Variants in ABCA1 observed in about 807,000 individuals in gnomAD.
ABCA1 encodes the protein ATP binding cassette subfamily A member 1, also known as phospholipid-transporting ATPase ABCA1.
In ABCA1, 133 loss-of-function variants were observed where a neutral mutation model predicts 262.5. The ratio of observed to expected loss-of-function variants is 0.51; its 90% CI spans 0.44 to 0.59. ABCA1 has a LOEUF of 0.59. ABCA1 is among the 20% of genes least tolerant of loss of function. The pLI is 0.00. For synonymous variants in ABCA1, 1,022 were observed against 1,043.5 expected (o/e 0.98, Z 0.40); for missense variants, 2,452 against 2,777.5 (o/e 0.88, Z 2.63).
chr9:104,840,929 A>G (rs530004004), intron 8 of ABCA1, among the ~76,000 whole-genome samples: 1 of 152,326 alleles, frequency 6.6e-6, no homozygotes, highest in East Asian at 1.9e-4. Flanking sequence ...TATAGATAAA[A>G]GAATGCTTTC....
chr9:104,864,500 C>T (rs1022574135), intron 5 of ABCA1, among the ~76,000 whole-genome samples: 4 of 152,132 alleles, frequency 2.6e-5, no homozygotes, highest in African/African-American at 9.7e-5. Flanking sequence ...CCCTGGGAGT[C>T]AGAAACCTGG....
intron 33 of ABCA1, among the ~76,000 whole-genome samples, chr9:104,802,383 C>T (rs1426475988): frequency 2.0e-5 from 3 of 152,234 alleles, no homozygotes; most frequent in South Asian, 4.1e-4. Context: ...CCTGATTACA[C>T]ACACAGTTAG....
At chr9:104,786,217 A>G in intron 48 of ABCA1, 81 bp downstream of exon 48, 1 of 1,175,420 alleles carries the variant, frequency 8.5e-7, no homozygotes, top group Non-Finnish European at 1.3e-6. Context: ...TTTATGTTAG[A>G]GGCACCATTT....
At position 104,793,152 on chromosome 9, in the gene ABCA1, G is replaced by T; in HGVS notation, c.5636+19C>A. 6.2e-7 allele frequency: 1 copy of T among 1,613,896 alleles called. No individual in the cohort carries two copies. Among genetic ancestry groups the T allele is most frequent in the South Asian group, 1.1e-5 (1 of 91,064 alleles). On this transcript the variant is annotated intron_variant, in intron 41 of 49. Transcript: ENST00000374736. ...TGACCCTCAACCAGGTGCTCCACGG[G>T]TTCTAAGAAAAAGCTCACCTGGGCC...
In ABCA1 at chr9:104,784,096, T is replaced by A. The variant is rs1256750739; in HGVS notation, c.*219A>T. 1 of 573,990 alleles carries A rather than the reference T, an allele frequency of 1.7e-6. No individual in the cohort carries two copies. Among genetic ancestry groups the A allele is most frequent in the Non-Finnish European group, 3.1e-6 (1 of 327,344 alleles). The allele number at this position is 573,990 out of a possible 1,614,324, so 35.6% of individuals were successfully genotyped here. A position where few individuals can be genotyped will look rare whatever the true frequency, so the allele number is the denominator to read the frequency against. Reference sequence around the variant, plus strand: ...AAAAAACTAAATTCAAGTCTTTCACTTGAGAGCCATACAAGACATAGGCTA... The same window carrying A: ...AAAAAACTAAATTCAAGTCTTTCACATGAGAGCCATACAAGACATAGGCTA... On this transcript the variant is annotated 3_prime_UTR_variant, in exon 50 of 50. Transcript: ENST00000374736.
At chr9:104,896,497 A>G (rs1840208970) in intron 2 of ABCA1, among the ~76,000 whole-genome samples, 1 of 152,110 alleles carries the variant, frequency 6.6e-6, no homozygotes, top group African/African-American at 2.4e-5. Context: ...TACTTTTTTG[A>G]GCTTGATAAG....
intron 5 of ABCA1, among the ~76,000 whole-genome samples, chr9:104,882,028 T>TAA (rs557626075): frequency 0.016 from 1,145 of 73,688 alleles, 66 homozygotes; most frequent in South Asian, 0.018. Flanking sequence ...TCTGTAGCCT[T>TAA]AAAAAAAAAA....
intron 27 of ABCA1, 110 bp from the exon 28 acceptor site, chr9:104,812,832 C>A (rs1831397775): frequency 7.1e-6 from 10 of 1,412,818 alleles, no homozygotes; most frequent in Non-Finnish European, 9.9e-6. Context: ...GTGTCTGAAG[C>A]TAGAAGTTTC....
chr9:104,905,260 C>T (rs777101234), intron 1 of ABCA1, among the ~76,000 whole-genome samples: 5 of 152,180 alleles, frequency 3.3e-5, no homozygotes, highest in South Asian at 4.1e-4. Context: ...CAAAACCAAG[C>T]GCTAGACTAG....
At chr9:104,869,730 C>T (rs908060230) in intron 5 of ABCA1, among the ~76,000 whole-genome samples, 1 of 152,128 alleles carries the variant, frequency 6.6e-6, no homozygotes, top group Non-Finnish European at 1.5e-5. Context: ...CTGTTCATCC[C>T]GGCCTGGGCT....
At chr9:104,809,630 GTTTT>G in intron 29 of ABCA1, 66 bp from the exon 30 acceptor site, 1 of 1,402,018 alleles carries the variant, frequency 7.1e-7, no homozygotes, top group Non-Finnish European at 1.0e-6. Context: ...AGATAAAAAT[GTTTT>G]TATAAATTAA....
chr9:104,799,966 C>G lies in ABCA1; in HGVS notation c.4796G>C (p.Trp1599Ser), dbSNP rs1463982273. 1 of 1,614,020 alleles carries G rather than the reference C, an allele frequency of 6.2e-7. No individual in the cohort carries two copies. The highest frequency in any genetic ancestry group is 8.5e-7 in the Non-Finnish European group (1 of 1,180,032). The part of the protein sequence containing the change: ...NVKVWFNNKG[W>S]HAISSFLNVI... The stretch of plus-strand genomic sequence containing the variant: ...ATTCAGGAAAGAGCTGATTGCATGC[C>G]AGCCCTTGTTATTGAACCACACCTG... Residue 1599 changes from tryptophan (W) to serine (S), a missense_variant, in exon 36 of 50, where the codon TGG becomes TCG. Around this residue, in one of 4 missense-constraint regions of ABCA1, gnomAD observed 752 missense variants for 944.5 expected, o/e 0.80. Coordinates refer to ENST00000374736, the MANE Select transcript of ABCA1 (RefSeq NM_005502.4).
chr9:104,837,166 C>T, intron 10 of ABCA1, 70 bp from the exon 11 acceptor site: 2 of 1,332,004 alleles, frequency 1.5e-6, no homozygotes, highest in Non-Finnish European at 2.1e-6. Context: ...CGTTTGGCTC[C>T]TCCCTGAAAA....
chr9:104,906,284 A>G lies in ABCA1; in HGVS notation c.-92-2513T>C, dbSNP rs544675039. Among the ~76,000 whole-genome samples the G allele has an allele frequency of 2.8e-3, 425 of 152,264 alleles. 4 individuals carry two copies. The highest frequency in any genetic ancestry group is 9.6e-3 in the African/African-American group (399 of 41,566). On this transcript the variant is annotated intron_variant, in intron 1 of 49. Transcript: ENST00000374736. ...ACCCAGAGCCAAACCCAAATATAGAATATCACCTCCCCTAAACCCTGAGTG... is the reference window on the plus strand; with the variant it reads ...ACCCAGAGCCAAACCCAAATATAGAGTATCACCTCCCCTAAACCCTGAGTG...
chr9:104,819,676 A>AT lies in ABCA1; in HGVS notation c.3150dup (p.Ser1051IlefsTer2). On this transcript the variant is annotated frameshift_variant, in exon 22 of 50. Coordinates refer to ENST00000374736, the MANE Select transcript of ABCA1 (RefSeq NM_005502.4). LOFTEE classifies it high-confidence loss of function. ...GGTTCATCCAGAATGACAACCTTAGATCCCCCGACAAAGGCCAAGGCCACA... is the reference window on the plus strand; with the variant it reads ...GGTTCATCCAGAATGACAACCTTAGATTCCCCCGACAAAGGCCAAGGCCACA... 6.2e-7 allele frequency: 1 copy of AT among 1,614,184 alleles called. No homozygotes were observed. The highest frequency in any genetic ancestry group is 8.5e-7 in the Non-Finnish European group (1 of 1,180,028).
chr9:104,862,659 CG>C (rs1221784835), intron 5 of ABCA1, among the ~76,000 whole-genome samples: 342 of 9,768 alleles, frequency 0.035, 37 homozygotes, highest in African/African-American at 0.045. Flanking sequence ...CGGGCCGGGC[CG>C]GGCCGGGCCG....
chr9:104,904,771 A>G (rs1029532230), intron 1 of ABCA1, among the ~76,000 whole-genome samples: 5 of 152,114 alleles, frequency 3.3e-5, no homozygotes, highest in Admixed American at 2.0e-4. Context: ...CAGGGCATCA[A>G]CTGTGAAACC....
chr9:104,825,280 T>C (rs373648931), intron 17 of ABCA1, among the ~76,000 whole-genome samples: 41 of 152,342 alleles, frequency 2.7e-4, no homozygotes, highest in African/African-American at 9.4e-4. Context: ...CCTGGGCTTA[T>C]TGACCCAGTG....
intron 2 of ABCA1, among the ~76,000 whole-genome samples, chr9:104,903,178 G>A (rs573496090): frequency 7.8e-4 from 119 of 152,280 alleles, no homozygotes; most frequent in African/African-American, 2.8e-3. Flanking sequence ...CTGAAGGAAA[G>A]AATCCAGATT....
Sources: gnomAD v4.1 joint callset for allele counts (sites outside exome capture counted in the v4.1 genomes callset) on GRCh38, gnomAD v4.1.1 for gene constraint, gnomAD v4.1.1 regional missense constraint, MANE v1.5 for transcripts, NCBI Gene and HGNC (gene_info 2026-07-23, HGNC 2026-07-21) for gene names.